CNTNAP2: variants seen among roughly 807,000 people sequenced by gnomAD.
CNTNAP2 encodes the protein contactin associated protein 2.
In CNTNAP2, 98 loss-of-function variants were observed where a neutral mutation model predicts 155.2. The observed-to-expected ratio is 0.63, with a 90% confidence interval of 0.54 to 0.75. The LOEUF is 0.75. Ranked by LOEUF, CNTNAP2 falls within the 30% of genes least tolerant of loss-of-function variation. The pLI is 0.00. For synonymous variants in CNTNAP2, 651 were observed against 631.2 expected (o/e 1.03, Z -0.47); for missense variants, 1,727 against 1,688.1 (o/e 1.02, Z -0.40).
At chr7:146,903,758 A>T (rs1796054250) in intron 3 of CNTNAP2, among the ~76,000 whole-genome samples, 1 of 152,168 alleles carries the variant, frequency 6.6e-6, no homozygotes, top group Non-Finnish European at 1.5e-5. Context: ...CAAAGGTTAC[A>T]AAGATTCAGC....
At chr7:146,863,199 A>G (rs971721107) in intron 3 of CNTNAP2, among the ~76,000 whole-genome samples, 5 of 152,208 alleles carry the variant, frequency 3.3e-5, no homozygotes, top group African/African-American at 9.6e-5. Context: ...CTTTAAATGT[A>G]TCTCCCAATA....
At chr7:146,658,840 A>G (rs1036430356) in intron 1 of CNTNAP2, among the ~76,000 whole-genome samples, 5 of 152,314 alleles carry the variant, frequency 3.3e-5, no homozygotes, top group East Asian at 3.9e-4. Flanking sequence ...GAATGCCTCT[A>G]TGGATTACAG....
chr7:146,721,077 A>C (rs987688124), intron 1 of CNTNAP2, among the ~76,000 whole-genome samples: 48 of 134,066 alleles, frequency 3.6e-4, no homozygotes, highest in African/African-American at 9.7e-4. Flanking sequence ...TATATACTCT[A>C]TATATATACT....
intron 1 of CNTNAP2, among the ~76,000 whole-genome samples, chr7:146,328,489 A>G (rs1801131373): frequency 6.6e-6 from 1 of 151,614 alleles, no homozygotes; most frequent in Non-Finnish European, 1.5e-5. Context: ...CAAGTTAATT[A>G]ACACATCCAT....
intron 11 of CNTNAP2, among the ~76,000 whole-genome samples, chr7:147,489,285 TC>T (rs538197996): frequency 6.6e-6 from 1 of 152,128 alleles, no homozygotes; most frequent in Non-Finnish European, 1.5e-5. Context: ...CCAGGATGTC[TC>T]CCTTTGGGAT....
chr7:146,794,916 C>T (rs1802742025), intron 2 of CNTNAP2, among the ~76,000 whole-genome samples: 1 of 152,132 alleles, frequency 6.6e-6, no homozygotes, highest in Admixed American at 6.5e-5. Context: ...CAATTATGTA[C>T]TGCCTTAAAC....
At chr7:146,209,360 A>G (rs953958518) in intron 1 of CNTNAP2, among the ~76,000 whole-genome samples, 4 of 152,108 alleles carry the variant, frequency 2.6e-5, no homozygotes, top group African/African-American at 9.7e-5. Context: ...TCTTAACTTT[A>G]GCCTCCTGAA....
At chr7:146,377,476 C>T (rs192247075) in intron 1 of CNTNAP2, among the ~76,000 whole-genome samples, 1 of 152,194 alleles carries the variant, frequency 6.6e-6, no homozygotes, top group East Asian at 1.9e-4. Context: ...ATATCTCTGA[C>T]CCTGATGGCT....
At chr7:146,845,070 G>A (rs1267488096) in intron 3 of CNTNAP2, among the ~76,000 whole-genome samples, 1 of 151,984 alleles carries the variant, frequency 6.6e-6, no homozygotes, top group Non-Finnish European at 1.5e-5. Context: ...CTTTTCCCAT[G>A]TACAAATGCA....
At chr7:147,336,416 A>G (rs1015510241) in intron 9 of CNTNAP2, among the ~76,000 whole-genome samples, 10 of 152,196 alleles carry the variant, frequency 6.6e-5, no homozygotes, top group Admixed American at 3.9e-4. Context: ...GCTATATGCA[A>G]GTGAAATTAA....
intron 1 of CNTNAP2, among the ~76,000 whole-genome samples, chr7:146,164,572 T>C (rs960553735): frequency 2.6e-5 from 4 of 152,218 alleles, no homozygotes; most frequent in African/African-American, 9.6e-5. Context: ...ATAACAACTC[T>C]TGATGAACTT....
At chr7:147,342,802 C>T (rs1200955477) in intron 9 of CNTNAP2, among the ~76,000 whole-genome samples, 2 of 152,014 alleles carry the variant, frequency 1.3e-5, no homozygotes. Context: ...TAAGTGTTGA[C>T]CCTCTGAAAT....
At chr7:148,289,823 G>A (rs796645909) in intron 21 of CNTNAP2, among the ~76,000 whole-genome samples, 7 of 152,270 alleles carry the variant, frequency 4.6e-5, no homozygotes, top group African/African-American at 1.7e-4. Flanking sequence ...CAGCAACAGA[G>A]ACCAGACGTT....
chr7:146,967,527 C>A (rs1797682410), intron 3 of CNTNAP2, among the ~76,000 whole-genome samples: 1 of 152,140 alleles, frequency 6.6e-6, no homozygotes, highest in Non-Finnish European at 1.5e-5. Context: ...TCCTTCACAT[C>A]CCTTGTAAGT....
chr7:148,052,497 G>C (rs1563181724), intron 15 of CNTNAP2, among the ~76,000 whole-genome samples: 2 of 152,192 alleles, frequency 1.3e-5, no homozygotes, highest in African/African-American at 4.8e-5. Context: ...AAAATGGTGA[G>C]GCATTTTTGA....
chr7:147,537,435 T>C (rs1799562922), intron 11 of CNTNAP2, among the ~76,000 whole-genome samples: 1 of 152,218 alleles, frequency 6.6e-6, no homozygotes. Context: ...ATTAATTTAA[T>C]GTGACATGTA....
At chr7:146,555,162 T>C (rs1798178668) in intron 1 of CNTNAP2, among the ~76,000 whole-genome samples, 1 of 152,086 alleles carries the variant, frequency 6.6e-6, no homozygotes, top group Non-Finnish European at 1.5e-5. Flanking sequence ...CTCTTTCCCA[T>C]TTTCTTTCTC....
chr7:146,873,333 C>G (rs1362228837), intron 3 of CNTNAP2, among the ~76,000 whole-genome samples: 1 of 152,248 alleles, frequency 6.6e-6, no homozygotes, highest in South Asian at 2.1e-4. Context: ...AAAATAATAG[C>G]TGTGTTATTT....
chr7:147,630,316 TAAAAAAAA>T lies in CNTNAP2; in HGVS notation c.1898-8774_1898-8767del, dbSNP rs71183024. Among the ~76,000 whole-genome samples, 464 of 73,106 alleles carry T rather than the reference TAAAAAAAA, an allele frequency of 6.3e-3. 3 individuals carry two copies. The highest frequency in any genetic ancestry group is 0.018 in the African/African-American group (419 of 23,692). 48.0% of individuals were successfully genotyped at this position (73,106 alleles called of 152,430 possible). ...ACAAATAGCAAAATTGAAACAGTAGTAAAAAAAAAAAAAAAAAAAAAAAGCCAACAAAA... is the reference window on the plus strand; with the variant it reads ...ACAAATAGCAAAATTGAAACAGTAGTAAAAAAAAAAAAAAAGCCAACAAAA... On this transcript the variant is annotated intron_variant, in intron 12 of 23. Coordinates refer to ENST00000361727, the MANE Select transcript of CNTNAP2 (RefSeq NM_014141.6).
Sources: gnomAD v4.1 joint callset for allele counts (sites outside exome capture counted in the v4.1 genomes callset) on GRCh38, gnomAD v4.1.1 for gene constraint, MANE v1.5 for transcripts, NCBI Gene and HGNC (gene_info 2026-07-23, HGNC 2026-07-21) for gene names.